The following SHLD1 variants were observed in gnomAD, a reference collection of about 807,000 sequenced individuals.
SHLD1 encodes RINN1-REV7-interacting novel NHEJ regulator 3.
SHLD1 carries 3 observed loss-of-function variants against 5.5 expected under a neutral mutation model. That is an observed-to-expected ratio of 0.54 (90% CI 0.25 to 1.40). The LOEUF (loss-of-function observed/expected upper bound fraction) is 1.40. SHLD1 is among the 40% of genes most tolerant of loss of function. SHLD1 has a pLI of 0.15. For synonymous variants in SHLD1, 92 were observed against 94.3 expected (o/e 0.98, Z 0.14); for missense variants, 210 against 244.4 (o/e 0.86, Z 0.94).
intron 1 of SHLD1, among the ~76,000 whole-genome samples, chr20:5,757,388 T>A (rs1045061485): frequency 2.0e-5 from 3 of 152,106 alleles, no homozygotes; most frequent in Admixed American, 6.6e-5. Flanking sequence ...CTTTATTTTT[T>A]ATTTTTTTAC....
chr20:5,782,071 G>A (rs1266094989), intron 2 of SHLD1, among the ~76,000 whole-genome samples: 5 of 152,098 alleles, frequency 3.3e-5, no homozygotes, highest in Non-Finnish European at 5.9e-5. Context: ...TCTCTGGAAT[G>A]TGCCCCCTCC....
chr20:5,838,791 G>T (rs983000042), intron 2 of SHLD1, among the ~76,000 whole-genome samples: 10 of 152,138 alleles, frequency 6.6e-5, no homozygotes, highest in African/African-American at 2.4e-4. Flanking sequence ...AATAAATAAA[G>T]AATTAAAAAT....
chr20:5,851,405 C>T (rs934238137), intron 2 of SHLD1, among the ~76,000 whole-genome samples: 9 of 151,662 alleles, frequency 5.9e-5, no homozygotes, highest in African/African-American at 2.2e-4. Context: ...GTGGGAGGAT[C>T]CCTTGAACCT....
chr20:5,849,754 T>G (rs1322719249), intron 2 of SHLD1, among the ~76,000 whole-genome samples: 1 of 147,928 alleles, frequency 6.8e-6, no homozygotes, highest in Non-Finnish European at 1.5e-5. Context: ...GGTCAGGAGA[T>G]CGAGACCATC....
intron 1 of SHLD1, among the ~76,000 whole-genome samples, chr20:5,753,196 T>C (rs1418196605): frequency 6.6e-6 from 1 of 152,172 alleles, no homozygotes; most frequent in East Asian, 1.9e-4. Context: ...ACCAGGTTAA[T>C]AAAAAAAGAA....
chr20:5,805,105 C>T (rs1490053279), intron 2 of SHLD1, among the ~76,000 whole-genome samples: 2 of 152,214 alleles, frequency 1.3e-5, no homozygotes, highest in Admixed American at 6.5e-5. Context: ...CATGAAGCTG[C>T]AGTAACATTC....
At chr20:5,765,769 CTTTTTTTTTTTTTT>C (rs756234026) in intron 1 of SHLD1, among the ~76,000 whole-genome samples, 1 of 62,074 alleles carries the variant, frequency 1.6e-5, no homozygotes, top group African/African-American at 6.5e-5. Context: ...CGCACAAATC[CTTTTTTTTTTTTTT>C]TTTTTTTTTT....
intron 2 of SHLD1, among the ~76,000 whole-genome samples, chr20:5,834,035 C>T (rs1451237878): frequency 6.6e-6 from 1 of 152,176 alleles, no homozygotes; most frequent in East Asian, 1.9e-4. Context: ...TTCCCTTCAG[C>T]TTTGTGACCC....
rs745824977 is a variant in SHLD1 at position 5,863,100 on chromosome 20, C to T, written c.255C>T (p.Gly85=). The part of the protein sequence containing the change: ...ENFWLDPAVK[G]QSEKEEDDGL... ...TCTGGCTTGACCCTGCTGTGAAAGGCCAGTCAGAGAAGGAAGAGGATGATG... is the reference window on the plus strand; with the variant it reads ...TCTGGCTTGACCCTGCTGTGAAAGGTCAGTCAGAGAAGGAAGAGGATGATG... Residue 85 remains glycine (G), a synonymous_variant, in exon 3 of 3, where the codon GGC becomes GGT. Coordinates refer to ENST00000303142, the MANE Select transcript of SHLD1 (RefSeq NM_152504.4). 1.2e-6 allele frequency: 2 copies of T among 1,614,142 alleles called. No homozygotes were observed. The highest frequency in any genetic ancestry group is 1.3e-5 in the African/African-American group (1 of 75,042).
intron 2 of SHLD1, among the ~76,000 whole-genome samples, chr20:5,774,752 A>G (rs181961327): frequency 1.3e-5 from 2 of 151,958 alleles, no homozygotes; most frequent in African/African-American, 4.8e-5. Flanking sequence ...TGAACCAATC[A>G]CCTCCCACCA....
chr20:5,776,646 C>T (rs1985441882), intron 2 of SHLD1, among the ~76,000 whole-genome samples: 1 of 152,010 alleles, frequency 6.6e-6, no homozygotes, highest in African/African-American at 2.4e-5. Context: ...GCCTGTAATC[C>T]CAGATACTCG....
chr20:5,753,080 T>C (rs1407361092), intron 1 of SHLD1, among the ~76,000 whole-genome samples: 1 of 152,194 alleles, frequency 6.6e-6, no homozygotes, highest in African/African-American at 2.4e-5. Context: ...ATTACAGGCA[T>C]GAGCCACCGC....
At chr20:5,832,288 TCTC>T (rs2087738257) in intron 2 of SHLD1, among the ~76,000 whole-genome samples, 1 of 152,170 alleles carries the variant, frequency 6.6e-6, no homozygotes, top group African/African-American at 2.4e-5. Context: ...GAGACAGACT[TCTC>T]CACATTGTTA....
rs138800852 is a variant in SHLD1, at chr20:5,824,350, C to T, written c.179-38674C>T. 3.2e-3 allele frequency among the ~76,000 whole-genome samples: 488 copies of T among 152,300 alleles called. 2 individuals carry two copies. Among genetic ancestry groups the T allele is most frequent in the African/African-American group, 0.011 (473 of 41,562 alleles). On this transcript the variant is annotated intron_variant, in intron 2 of 2. Transcript: ENST00000303142. ...ATCCAACCTGGGCCTCCATTCACCT[C>T]GCTCTCTATCCCCTTCCTCTATTTT...
chr20:5,823,137 C>A (rs73596836), intron 2 of SHLD1, among the ~76,000 whole-genome samples: 2 of 152,058 alleles, frequency 1.3e-5, no homozygotes, highest in Non-Finnish European at 2.9e-5. Context: ...TTGATCCCCC[C>A]CTTCCCGGAT....
chr20:5,773,149 T>C (rs928744346), intron 2 of SHLD1, 106 bp downstream of exon 2: 23 of 1,293,234 alleles, frequency 1.8e-5, no homozygotes, highest in Non-Finnish European at 2.2e-5. Flanking sequence ...CTGAGAATGC[T>C]TCATTGTCTT....
intron 2 of SHLD1, among the ~76,000 whole-genome samples, chr20:5,799,048 CA>C (rs1207954703): frequency 1.3e-5 from 2 of 152,022 alleles, no homozygotes; most frequent in African/African-American, 4.8e-5. Flanking sequence ...AATACAAATA[CA>C]AAAATTAGCC....
At chr20:5,759,081 A>T (rs1285512519) in intron 1 of SHLD1, among the ~76,000 whole-genome samples, 2 of 151,096 alleles carry the variant, frequency 1.3e-5, no homozygotes, top group East Asian at 2.0e-4. Flanking sequence ...CAGCCTCCCA[A>T]GTAGCTAGGA....
intron 2 of SHLD1, among the ~76,000 whole-genome samples, chr20:5,790,888 C>T (rs572074089): frequency 4.7e-4 from 72 of 152,248 alleles, no homozygotes; most frequent in African/African-American, 1.7e-3. Flanking sequence ...CATGGCTGAG[C>T]GCGGTGGCTC....
Sources: allele counts gnomAD v4.1 joint callset (sites outside exome capture counted in the v4.1 genomes callset), GRCh38; gene constraint gnomAD v4.1.1; transcripts MANE v1.5; gene names NCBI Gene and HGNC (gene_info 2026-07-23, HGNC 2026-07-21).